The following CSMD1 variants were observed in gnomAD, a reference collection of about 807,000 sequenced individuals.
CSMD1 encodes the protein CUB and Sushi multiple domains 1.
Under a neutral mutation model 417.5 loss-of-function variants are expected in CSMD1, and 213 were observed. The observed-to-expected ratio is 0.51, with a 90% CI of 0.46 to 0.57. CSMD1 has a LOEUF of 0.57. Ranked by LOEUF, CSMD1 falls within the 20% of genes least tolerant of loss-of-function variation. The pLI, the probability that CSMD1 is intolerant of heterozygous loss-of-function variation, is 0.00. For synonymous variants in CSMD1, 2,862 were observed against 1,736.8 expected (o/e 1.65, Z -16.11); for missense variants, 6,923 against 4,529.7 (o/e 1.53, Z -15.17).
chr8:4,455,007 G>A (rs532165726), intron 2 of CSMD1, among the ~76,000 whole-genome samples: 31 of 152,158 alleles, frequency 2.0e-4, no homozygotes, highest in Admixed American at 8.5e-4. Flanking sequence ...CCTGTGTGTT[G>A]CTATCCCAGT....
chr8:4,670,710 G>T (rs536496586), intron 1 of CSMD1, among the ~76,000 whole-genome samples: 67 of 152,088 alleles, frequency 4.4e-4, no homozygotes, highest in African/African-American at 1.5e-3. Flanking sequence ...GTCTCTTAAG[G>T]CAGACCAGAA....
intron 11 of CSMD1, among the ~76,000 whole-genome samples, chr8:3,483,658 A>G (rs940022741): frequency 3.3e-5 from 5 of 152,144 alleles, no homozygotes; most frequent in Non-Finnish European, 7.4e-5. Context: ...AACTGATACC[A>G]AAGTCAGACA....
At chr8:3,823,682 G>T (rs1801877618) in intron 5 of CSMD1, among the ~76,000 whole-genome samples, 1 of 152,014 alleles carries the variant, frequency 6.6e-6, no homozygotes, top group Non-Finnish European at 1.5e-5. Flanking sequence ...TTTATGCAAT[G>T]GATATATGTT....
At chr8:3,306,645 TTAA>T (rs1212839232) in intron 25 of CSMD1, among the ~76,000 whole-genome samples, 1 of 149,196 alleles carries the variant, frequency 6.7e-6, no homozygotes, top group Admixed American at 6.7e-5. Flanking sequence ...GTACAGAAAA[TTAA>T]TAACAACAAT....
At chr8:3,768,463 A>G (rs866919304) in intron 5 of CSMD1, among the ~76,000 whole-genome samples, 1 of 152,176 alleles carries the variant, frequency 6.6e-6, no homozygotes, top group Non-Finnish European at 1.5e-5. Flanking sequence ...TATTTCCAAC[A>G]TATTTTTTTC....
chr8:4,911,245 T>A (rs907359224), intron 1 of CSMD1, among the ~76,000 whole-genome samples: 17 of 152,264 alleles, frequency 1.1e-4, no homozygotes, highest in African/African-American at 3.9e-4. Flanking sequence ...CAGTTTCAAA[T>A]GACCTTTGTC....
chr8:4,374,470 A>G (rs117966198), intron 3 of CSMD1, among the ~76,000 whole-genome samples: 1,912 of 152,224 alleles, frequency 0.013, 18 homozygotes, highest in Middle Eastern at 0.027. Flanking sequence ...GAGTGAAAGG[A>G]AGACAGCTTG....
At chr8:4,894,089 A>G (rs1309617447) in intron 1 of CSMD1, among the ~76,000 whole-genome samples, 3 of 152,078 alleles carry the variant, frequency 2.0e-5, no homozygotes, top group Non-Finnish European at 4.4e-5. Context: ...CTAGCTTACC[A>G]AAAGTCTTCA....
intron 2 of CSMD1, among the ~76,000 whole-genome samples, chr8:4,456,973 GT>G (rs1563196100): frequency 1.5e-5 from 1 of 67,418 alleles, no homozygotes; most frequent in Non-Finnish European, 3.3e-5. Context: ...TTTGATGAGT[GT>G]GGTTTTTTTT....
In CSMD1 at chr8:4,127,328, T is replaced by C. The variant is rs147568644; in HGVS notation, c.416-95229A>G. Reference sequence around the variant, plus strand: ...TTCTTATTCTAGACTTCTTTCTTTCTGGCAGTACAAGCCTCTCCCTTCCTT... The same window carrying C: ...TTCTTATTCTAGACTTCTTTCTTTCCGGCAGTACAAGCCTCTCCCTTCCTT... On this transcript the variant is annotated intron_variant, in intron 3 of 69. Transcript: ENST00000635120. Among the ~76,000 whole-genome samples the C allele has an allele frequency of 1.8e-3, 280 of 152,000 alleles. 1 individual carries two copies. The highest frequency in any genetic ancestry group is 6.3e-3 in the African/African-American group (259 of 41,440).
At chr8:3,234,404 T>C (rs1019449226) in intron 26 of CSMD1, among the ~76,000 whole-genome samples, 4 of 152,194 alleles carry the variant, frequency 2.6e-5, no homozygotes, top group Non-Finnish European at 4.4e-5. Flanking sequence ...TTCTGAGACA[T>C]CATTCTTCTC....
intron 1 of CSMD1, among the ~76,000 whole-genome samples, chr8:4,729,527 G>A (rs1029527159): frequency 6.6e-6 from 1 of 152,158 alleles, no homozygotes; most frequent in Admixed American, 6.5e-5. Flanking sequence ...TACACATAAT[G>A]CATTTTTATG....
rs891698899 is a variant in CSMD1, at chr8:2,961,190, T to A, written c.9653A>T (p.Asp3218Val). 3 of 1,600,280 alleles carry A rather than the reference T, an allele frequency of 1.9e-6. No individual in the cohort carries two copies. The African/African-American group carries it at 4.0e-5, about 21-fold the overall frequency. The change falls in exon 62 of 70, where the codon GAC (aspartate) becomes GTC (valine). Residue 3218 changes from aspartate to valine, a missense_variant. Transcript: ENST00000635120. ...TATTCCAAAGTGTGGCGTACCAGGG[T>A]CTGGGCAGGTGTTATGAGCAGGATC... is the stretch of plus-strand genomic sequence containing the variant. ...CIDPAHNTCP[D>V]PGTPHFGIQN... is the part of the protein sequence containing the mutation.
At chr8:3,158,077 T>G in intron 38 of CSMD1, 111 bp from the exon 39 acceptor site, 1 of 898,338 alleles carries the variant, frequency 1.1e-6, no homozygotes. Context: ...TTATAAATAT[T>G]TGAAAATTCA....
chr8:4,376,543 A>T (rs1802752852), intron 3 of CSMD1, among the ~76,000 whole-genome samples: 1 of 152,064 alleles, frequency 6.6e-6, no homozygotes, highest in South Asian at 2.1e-4. Context: ...TTTTAATTTA[A>T]TTTTATCTCA....
At chr8:3,568,639 A>C (rs371534053) in intron 10 of CSMD1, among the ~76,000 whole-genome samples, 2 of 152,156 alleles carry the variant, frequency 1.3e-5, no homozygotes, top group African/African-American at 4.8e-5. Context: ...TATATAACAG[A>C]AACTTTTAAC....
chr8:4,729,850 C>T (rs1358331006), intron 1 of CSMD1, among the ~76,000 whole-genome samples: 1 of 152,146 alleles, frequency 6.6e-6, no homozygotes, highest in Non-Finnish European at 1.5e-5. Context: ...ACTCCTAAGT[C>T]CTAATCTTTC....
At chr8:3,015,202 CT>C (rs1406093873) in intron 52 of CSMD1, among the ~76,000 whole-genome samples, 1 of 152,022 alleles carries the variant, frequency 6.6e-6, no homozygotes, top group African/African-American at 2.4e-5. Context: ...CTTGGGGTTC[CT>C]CACCCTTCAC....
At chr8:3,231,134 A>G (rs1243502619) in intron 26 of CSMD1, among the ~76,000 whole-genome samples, 1 of 152,196 alleles carries the variant, frequency 6.6e-6, no homozygotes, top group Non-Finnish European at 1.5e-5. Context: ...AGCAGCCTCA[A>G]GAAATAGCAG....
Sources: allele counts gnomAD v4.1 joint callset (sites outside exome capture counted in the v4.1 genomes callset), GRCh38; gene constraint gnomAD v4.1.1; transcripts MANE v1.5; gene names NCBI Gene and HGNC (gene_info 2026-07-23, HGNC 2026-07-21).